Variants in NNT observed in about 807,000 individuals in gnomAD.
NNT encodes the protein NAD(P) transhydrogenase, mitochondrial.
A neutral mutation model predicts 104.8 loss-of-function variants in NNT; 50 were observed. The observed-to-expected ratio is 0.48, with a 90% CI of 0.38 to 0.60. The LOEUF (loss-of-function observed/expected upper bound fraction) is 0.60, where lower values mean the gene tolerates loss of function less well. Among genes scored for constraint, NNT ranks in the 20% least tolerant of loss-of-function variants. The pLI is 0.00. For synonymous variants in NNT, 461 were observed against 490.4 expected, an observed-to-expected ratio of 0.94 and a Z score of 0.79; for missense variants, 1,131 against 1,330.7, an observed-to-expected ratio of 0.85 and a Z score of 2.33.
At chr5:43,640,133 G>A (rs1751148870) in intron 7 of NNT, among the ~76,000 whole-genome samples, 1 of 151,704 alleles carries the variant, frequency 6.6e-6, no homozygotes, top group African/African-American at 2.4e-5. Flanking sequence ...TTTTTTATCA[G>A]CCTTTGTCAG....
At position 43,616,033 on chromosome 5, in the gene NNT, T is replaced by C; in HGVS notation, c.567T>C (p.Tyr189=). ...QVPRVTIAQG[Y]DALSSMANIA... ...CAAGAGTCACAATTGCTCAGGGATA[T>C]GATGCGCTAAGCTCCATGGCCAACA... The change falls in exon 4 of 22, where the codon TAT becomes TAC. Residue 189 remains tyrosine (Y), a synonymous_variant. Transcript: ENST00000344920. 1 of 1,614,100 alleles carries C rather than the reference T, an allele frequency of 6.2e-7. No homozygotes were observed. Among genetic ancestry groups the C allele is most frequent in the African/African-American group, 1.3e-5 (1 of 75,050 alleles).
At chr5:43,663,592 C>G (rs1740482754) in intron 17 of NNT, among the ~76,000 whole-genome samples, 1 of 152,108 alleles carries the variant, frequency 6.6e-6, no homozygotes, top group Non-Finnish European at 1.5e-5. Flanking sequence ...GAGATTTATT[C>G]AGTTTCTTCA....
At chr5:43,695,612 G>A (rs1001181206) in intron 19 of NNT, among the ~76,000 whole-genome samples, 48 of 152,302 alleles carry the variant, frequency 3.2e-4, no homozygotes, top group Admixed American at 1.7e-3. Context: ...TCATTAAATG[G>A]TTGAAAGGAC....
chr5:43,626,856 T>C (rs1336285076), intron 6 of NNT, among the ~76,000 whole-genome samples: 8 of 151,132 alleles, frequency 5.3e-5, no homozygotes, highest in African/African-American at 1.9e-4. Flanking sequence ...TATACACACA[T>C]ATATGTATGT....
At chr5:43,698,510 T>A (rs1561332843) in intron 19 of NNT, among the ~76,000 whole-genome samples, 1 of 151,862 alleles carries the variant, frequency 6.6e-6, no homozygotes, top group Non-Finnish European at 1.5e-5. Context: ...CTTGGGCAAA[T>A]AATTATCTTA....
chr5:43,655,236 A>T (rs757058338), intron 14 of NNT, among the ~76,000 whole-genome samples: 1 of 152,100 alleles, frequency 6.6e-6, no homozygotes, highest in Non-Finnish European at 1.5e-5. Context: ...TGGCTAGGGG[A>T]AGGTTGGGAG....
At chr5:43,652,921 A>G in intron 13 of NNT, 97 bp from the exon 14 acceptor site, 4 of 842,094 alleles carry the variant, frequency 4.8e-6, no homozygotes, top group Non-Finnish European at 3.6e-6. Context: ...AGTATTTAAT[A>G]TGTTAATATT....
intron 1 of NNT, among the ~76,000 whole-genome samples, chr5:43,604,909 G>A (rs1259416520): frequency 6.6e-6 from 1 of 152,052 alleles, no homozygotes; most frequent in Non-Finnish European, 1.5e-5. Context: ...TTGGCCTCAA[G>A]CAGTCCTCCC....
At chr5:43,654,376 A>G (rs1739929707) in intron 14 of NNT, among the ~76,000 whole-genome samples, 2 of 152,226 alleles carry the variant, frequency 1.3e-5, no homozygotes. Context: ...AGATGTTTTG[A>G]CTGTAGCTGT....
intron 2 of NNT, among the ~76,000 whole-genome samples, chr5:43,610,151 A>G (rs1201805679): frequency 6.6e-6 from 1 of 151,362 alleles, no homozygotes. Flanking sequence ...TACAGGCCAG[A>G]AGGAGGAGAG....
chr5:43,646,817 C>T (rs9968723), intron 10 of NNT, among the ~76,000 whole-genome samples: 288 of 152,206 alleles, frequency 1.9e-3, no homozygotes, highest in African/African-American at 6.6e-3. Context: ...AACTTGTAAA[C>T]AAATTCAACA....
rs973521083 is a variant in NNT at position 43,644,106 on chromosome 5, A to G, written c.965-86A>G. 2.4e-6 allele frequency: 3 copies of G among 1,266,786 alleles called. No homozygotes were observed. The African/African-American group carries it at 4.5e-5, about 19-fold the overall frequency. 78.5% of individuals were successfully genotyped at this position (1,266,786 alleles called of 1,614,324 possible). A position where few individuals can be genotyped will look rare whatever the true frequency, so the allele number is the denominator to read the frequency against. On this transcript the variant is annotated intron_variant, in intron 7 of 21. Transcript: ENST00000344920. ...TAAAATTTCAGATGTTAAATTCCTG[A>G]ATGCCCAGAGACTACTGTAATAATT...
intron 16 of NNT, among the ~76,000 whole-genome samples, 164 bp from the exon 17 acceptor site, chr5:43,659,007 C>T (rs1404810841): frequency 2.6e-5 from 4 of 151,808 alleles, no homozygotes; most frequent in African/African-American, 9.7e-5. Flanking sequence ...GTTGTTATAC[C>T]TGTGGAAGTG....
chr5:43,674,486 A>G (rs145371683), intron 17 of NNT, among the ~76,000 whole-genome samples: 2 of 152,308 alleles, frequency 1.3e-5, no homozygotes, highest in African/African-American at 4.8e-5. Flanking sequence ...ATAGATTGAC[A>G]CTTATATAGC....
At chr5:43,643,550 C>T (rs960492341) in intron 7 of NNT, among the ~76,000 whole-genome samples, 3 of 152,170 alleles carry the variant, frequency 2.0e-5, no homozygotes, top group African/African-American at 2.4e-5. Flanking sequence ...TCACTGTAGA[C>T]ACCAATACAT....
At chr5:43,676,148 A>G (rs1741403611) in intron 18 of NNT, among the ~76,000 whole-genome samples, 1 of 152,232 alleles carries the variant, frequency 6.6e-6, no homozygotes, top group Non-Finnish European at 1.5e-5. Context: ...GTATGGAGTC[A>G]CGATACCTCA....
At chr5:43,629,483 G>A (rs1479625384) in intron 7 of NNT, among the ~76,000 whole-genome samples, 1 of 152,132 alleles carries the variant, frequency 6.6e-6, no homozygotes, top group African/African-American at 2.4e-5. Context: ...TTTCCTCTGG[G>A]TAGATACCAA....
At chr5:43,645,240 A>G (rs1739320335) in intron 9 of NNT, 117 bp from the exon 10 acceptor site, 3 of 487,484 alleles carry the variant, frequency 6.2e-6, no homozygotes, top group East Asian at 4.1e-5. Flanking sequence ...ATGAATTTAT[A>G]TATTTACATA....
intron 17 of NNT, among the ~76,000 whole-genome samples, chr5:43,661,693 GA>G (rs964689883): frequency 6.6e-6 from 1 of 151,176 alleles, no homozygotes; most frequent in Non-Finnish European, 1.5e-5. Flanking sequence ...AGTTTACTGA[GA>G]ATGATGATTT....
Sources: gnomAD v4.1 joint callset for allele counts (sites outside exome capture counted in the v4.1 genomes callset) on GRCh38, gnomAD v4.1.1 for gene constraint, MANE v1.5 for transcripts, NCBI Gene and HGNC (gene_info 2026-07-23, HGNC 2026-07-21) for gene names.